The following EVL variants were observed in gnomAD, a reference collection of about 807,000 sequenced individuals.
EVL encodes the protein Enah/Vasp-like.
A neutral mutation model predicts 59.6 loss-of-function variants in EVL; 21 were observed. The ratio of observed to expected loss-of-function variants is 0.35; its 90% confidence interval spans 0.25 to 0.51. The LOEUF (loss-of-function observed/expected upper bound fraction) is 0.51. Among genes scored for constraint, EVL ranks in the 20% least tolerant of loss-of-function variants. The pLI is 0.97. For missense variants in EVL, 462 were observed against 546.6 expected (o/e 0.85, Z 1.54); for synonymous variants, 198 against 203.5 (o/e 0.97, Z 0.23).
intron 1 of EVL, among the ~76,000 whole-genome samples, chr14:100,022,623 GC>G (rs1404530760): frequency 6.6e-6 from 1 of 152,104 alleles, no homozygotes; most frequent in Non-Finnish European, 1.5e-5. Context: ...TGACTCAGAT[GC>G]ATTTACTTAT....
At chr14:100,121,843 G>A (rs558463768) in intron 3 of EVL, among the ~76,000 whole-genome samples, 3 of 152,224 alleles carry the variant, frequency 2.0e-5, no homozygotes, top group South Asian at 2.1e-4. Context: ...AGGATCTTGC[G>A]ACAGCTGGTG....
In EVL at chr14:100,127,426, G is replaced by GC. The variant is rs1402188940; in HGVS notation, c.487+660dup. ...TCCTGTTGACTGATGAGAAACCCGA[G>GC]CCCCCACTGGTTACAGGAACGCTCT... is the stretch of plus-strand genomic sequence containing the variant. On this transcript the variant is annotated intron_variant, in intron 5 of 13. Transcript: ENST00000392920. The surrounding 1 kb of genome is among the most constrained non-coding windows in gnomAD (Gnocchi z 4.2). 6.6e-6 allele frequency among the ~76,000 whole-genome samples: 1 copy of GC among 152,102 alleles called. No individual in the cohort carries two copies. Among genetic ancestry groups the GC allele is most frequent in the East Asian group, 1.9e-4 (1 of 5,186 alleles).
At chr14:100,028,942 C>T (rs558407480) in intron 1 of EVL, among the ~76,000 whole-genome samples, 1 of 152,324 alleles carries the variant, frequency 6.6e-6, no homozygotes, top group South Asian at 2.1e-4. Flanking sequence ...CTATGACTGT[C>T]ACTTTATTTC....
In EVL at chr14:99,990,643, A is replaced by G. The variant is rs534336252; in HGVS notation, c.5+18586A>G. Among the ~76,000 whole-genome samples, 4 of 152,234 alleles carry G rather than the reference A, an allele frequency of 2.6e-5. No homozygotes were observed. In the East Asian group the frequency reaches 5.8e-4, roughly 22 times the overall value. The stretch of plus-strand genomic sequence containing the variant: ...AATTTCACTTAGCATAATGTCCTTG[A>G]GGTTCATCCATGTTGTAGCATGTGA... On this transcript the variant is annotated intron_variant, in intron 1 of 13. Transcript: ENST00000402714.
intron 1 of EVL, among the ~76,000 whole-genome samples, chr14:100,034,249 AAG>A (rs2061356109): frequency 6.6e-6 from 1 of 151,398 alleles, no homozygotes; most frequent in Non-Finnish European, 1.5e-5. Context: ...AAAAAAAAAA[AAG>A]AAAAAGAAAA....
chr14:99,987,079 C>T (rs2060844322), intron 1 of EVL, among the ~76,000 whole-genome samples: 1 of 152,102 alleles, frequency 6.6e-6, no homozygotes, highest in African/African-American at 2.4e-5. Context: ...AAAAATGTTT[C>T]TGCTGAAAAT....
At position 100,098,420 on chromosome 14, in the gene EVL, G is replaced by T. The variant is rs568235695; in HGVS notation, c.358+762G>T. ...CGATGCAGCATTTCTGGGGCCTGGA[G>T]TGCAGATAGGAAAGAGATTGGAAAT... is the stretch of plus-strand genomic sequence containing the variant. On this transcript the variant is annotated intron_variant, in intron 3 of 13. Coordinates refer to ENST00000392920, the MANE Select transcript of EVL (RefSeq NM_016337.3). Among the ~76,000 whole-genome samples, 21 of 152,328 alleles carry T rather than the reference G, an allele frequency of 1.4e-4. No homozygotes were observed. In the South Asian group the frequency reaches 4.4e-3, roughly 32 times the overall value.
At chr14:100,024,926 T>C (rs2061185914) in intron 1 of EVL, among the ~76,000 whole-genome samples, 1 of 151,944 alleles carries the variant, frequency 6.6e-6, no homozygotes, top group Non-Finnish European at 1.5e-5. Context: ...TCTCCTACTC[T>C]CCACATCTCG....
At chr14:100,042,046 G>A (rs117130125) in intron 1 of EVL, among the ~76,000 whole-genome samples, 8,385 of 151,936 alleles carry the variant, frequency 0.055, 316 homozygotes, top group Non-Finnish European at 0.082. Flanking sequence ...TAAAAAGAAT[G>A]GATCATATTA....
At chr14:100,054,296 G>A (rs1365343711) in intron 1 of EVL, among the ~76,000 whole-genome samples, 1 of 151,250 alleles carries the variant, frequency 6.6e-6, no homozygotes, top group Admixed American at 6.6e-5. Flanking sequence ...CTCATGATCT[G>A]CCCACTTTGG....
At chr14:100,097,227 C>G (rs1885876550) in intron 2 of EVL, among the ~76,000 whole-genome samples, 2 of 152,316 alleles carry the variant, frequency 1.3e-5, no homozygotes, top group Admixed American at 1.3e-4. Flanking sequence ...GAACCTGCCT[C>G]CCAGCTCAGC....
intron 2 of EVL, among the ~76,000 whole-genome samples, chr14:100,088,408 G>C (rs974664892): frequency 2.0e-5 from 3 of 152,172 alleles, no homozygotes; most frequent in Admixed American, 2.0e-4. Flanking sequence ...GATACATCCT[G>C]AGAAATGCGC....
intron 1 of EVL, among the ~76,000 whole-genome samples, chr14:99,994,112 CTTTTTTTTTTTTTT>C (rs751533422): frequency 5.4e-5 from 3 of 55,166 alleles, no homozygotes; most frequent in Admixed American, 2.0e-4. Context: ...AGCCTTTTGG[CTTTTTTTTTTTTTT>C]TTTTTTTTTT....
In EVL at chr14:100,128,746, C is replaced by T. The variant is rs544913047; in HGVS notation, c.715C>T (p.Arg239Trp). Residue 239 changes from arginine (R) to tryptophan (W), a missense_variant and splice_region_variant, in exon 6 of 14, where the codon CGG becomes TGG. Coordinates refer to ENST00000392920, the MANE Select transcript of EVL (RefSeq NM_016337.3). ...IAGAKLRRVQ[R>W]PEDASGGSSP... ...TGGGGCCAAGCTGAGAAGAGTCCAA[C>T]GGGTAAGAGCTCCTGTGTGCGGGGT... The T allele has an allele frequency of 1.2e-4, 200 of 1,603,678 alleles. No homozygotes were observed. The highest frequency in any genetic ancestry group is 1.5e-4 in the Non-Finnish European group (173 of 1,179,470).
At chr14:100,011,116 T>C (rs1332742374) in intron 1 of EVL, among the ~76,000 whole-genome samples, 2 of 152,242 alleles carry the variant, frequency 1.3e-5, no homozygotes, top group Non-Finnish European at 2.9e-5. Flanking sequence ...GAGAATTTTT[T>C]ATTAACTAGT....
At chr14:100,116,118 A>G (rs1887326559) in intron 3 of EVL, among the ~76,000 whole-genome samples, 1 of 152,198 alleles carries the variant, frequency 6.6e-6, no homozygotes, top group African/African-American at 2.4e-5. Flanking sequence ...TCGCTTAGAC[A>G]CTTGCTCGCT....
At chr14:100,031,968 C>T (rs867484917) in intron 1 of EVL, among the ~76,000 whole-genome samples, 51 of 152,238 alleles carry the variant, frequency 3.4e-4, no homozygotes, top group African/African-American at 1.2e-3. Context: ...CCTCGCAGGG[C>T]TCCCCTGCCT....
intron 1 of EVL, among the ~76,000 whole-genome samples, chr14:100,003,533 C>T (rs1346006383): frequency 6.6e-6 from 1 of 152,170 alleles, no homozygotes; most frequent in East Asian, 1.9e-4. Context: ...TATCCTGCCT[C>T]AGCCTCCCAA....
chr14:99,976,177 A>G (rs2140166678), intron 1 of EVL, among the ~76,000 whole-genome samples: 1 of 147,118 alleles, frequency 6.8e-6, no homozygotes, highest in Middle Eastern at 3.5e-3. Flanking sequence ...CCCCATGGCC[A>G]GCTTTTATTT....
Sources: allele counts gnomAD v4.1 joint callset (sites outside exome capture counted in the v4.1 genomes callset), GRCh38; gene constraint gnomAD v4.1.1; non-coding constraint Gnocchi (gnomAD v3.1); transcripts MANE v1.5; gene names NCBI Gene and HGNC (gene_info 2026-07-23, HGNC 2026-07-21).